The following NECAP1 variants were observed in gnomAD, a reference collection of about 807,000 sequenced individuals.
The protein encoded by NECAP1 is NECAP endocytosis associated 1.
A neutral mutation model predicts 33.4 loss-of-function variants in NECAP1; 13 were observed. That is an observed-to-expected ratio of 0.39 (90% CI 0.25 to 0.62). The LOEUF is 0.62. Among genes scored for constraint, NECAP1 ranks in the 20% least tolerant of loss-of-function variants. NECAP1 has a pLI of 0.52. For synonymous variants in NECAP1, 109 were observed against 125.2 expected (o/e 0.87, Z 0.86); for missense variants, 272 against 347.4 (o/e 0.78, Z 1.73).
chr12:8,083,475 G>A (rs1426151363), intron 1 of NECAP1, among the ~76,000 whole-genome samples: 1 of 120,688 alleles, frequency 8.3e-6, no homozygotes, highest in East Asian at 2.8e-4. Flanking sequence ...TGTTGCCCAG[G>A]CCGGAGCGCA....
chr12:8,095,074 T>C (rs775484158), intron 6 of NECAP1, among the ~76,000 whole-genome samples: 1 of 152,216 alleles, frequency 6.6e-6, no homozygotes, highest in Admixed American at 6.5e-5. Context: ...TCTGTTTCTT[T>C]TTATTGCTGA....
chr12:8,091,382 T>C (rs1947542556), intron 3 of NECAP1: 1 of 214,734 alleles, frequency 4.7e-6, no homozygotes, highest in East Asian at 1.2e-4. Context: ...GAAATAATTA[T>C]ACAACTCACT....
Position 8,091,804 on chromosome 12 carries a change from CG to C in NECAP1, c.341del (p.Gly114GlufsTer17). On this transcript the variant is annotated frameshift_variant, in exon 4 of 8. Coordinates refer to ENST00000339754, the MANE Select transcript of NECAP1 (RefSeq NM_015509.4). LOFTEE classifies it high-confidence loss of function. The part of the protein sequence containing the change: ...SAFIGIGFTD[R>X]GDAFDFNVSL... Reference sequence around the variant, plus strand: ...TTTCATTGGCATTGGCTTCACAGATCGGGGAGATGCCTTCGACTTTAATGTC... The same window carrying C: ...TTTCATTGGCATTGGCTTCACAGATCGGGAGATGCCTTCGACTTTAATGTC... 1 of 1,613,998 alleles carries C rather than the reference CG, an allele frequency of 6.2e-7. No homozygotes were observed.
chr12:8,087,327 T>G (rs1426141255), intron 1 of NECAP1, among the ~76,000 whole-genome samples: 1 of 151,866 alleles, frequency 6.6e-6, no homozygotes, highest in Admixed American at 6.6e-5. Flanking sequence ...TTAAAAGTAT[T>G]GTCAGAGGAC....
At chr12:8,085,686 C>CTTCTTTTTTTTTTTTTTTTTT (rs1947481617) in intron 1 of NECAP1, among the ~76,000 whole-genome samples, 8 of 104,810 alleles carry the variant, frequency 7.6e-5, no homozygotes, top group Non-Finnish European at 7.0e-5. Flanking sequence ...ACTTAATCTT[C>CTTCTTTTTTTTTTTTTTTTTT]TTTTTTTTTT....
chr12:8,091,705 C>T (rs764588114), intron 3 of NECAP1, 64 bp from the exon 4 acceptor site: 16 of 1,444,384 alleles, frequency 1.1e-5, no homozygotes, highest in African/African-American at 5.6e-5. Flanking sequence ...AGACTGGTGC[C>T]GGGGGTTGGG....
intron 1 of NECAP1, among the ~76,000 whole-genome samples, chr12:8,083,732 T>G (rs1281221008): frequency 1.4e-5 from 2 of 144,670 alleles, no homozygotes; most frequent in East Asian, 2.0e-4. Flanking sequence ...AGCCGTCGTT[T>G]TTTTTTTTTT....
Position 8,097,014 on chromosome 12 carries a change from C to T in NECAP1, c.*924C>T, listed in dbSNP as rs1251265341. 6.6e-6 allele frequency: 1 copy of T among 152,652 alleles called. No individual in the cohort carries two copies. Among genetic ancestry groups the T allele is most frequent in the African/African-American group, 2.4e-5 (1 of 41,456 alleles). 9.5% of individuals were successfully genotyped at this position (152,652 alleles called of 1,614,324 possible). A position where few individuals can be genotyped will look rare whatever the true frequency, so the allele number is the denominator to read the frequency against. On this transcript the variant is annotated 3_prime_UTR_variant, in exon 8 of 8. Coordinates refer to ENST00000339754, the MANE Select transcript of NECAP1 (RefSeq NM_015509.4). The stretch of plus-strand genomic sequence containing the variant: ...GAGCAGAGAGGTTGAAAGCACTTAA[C>T]TCTTGTTTAGTATCCTCATTGCCTT...
rs781652920 is a variant in NECAP1, at chr12:8,097,581, T to C, written c.*1491T>C. 1 of 152,614 alleles carries C rather than the reference T, an allele frequency of 6.6e-6. No individual in the cohort carries two copies. Among genetic ancestry groups the C allele is most frequent in the Non-Finnish European group, 1.5e-5 (1 of 68,022 alleles). The allele number at this position is 152,614 out of a possible 1,614,324, so 9.5% of individuals were successfully genotyped here. A position where few individuals can be genotyped will look rare whatever the true frequency, so the allele number is the denominator to read the frequency against. The stretch of plus-strand genomic sequence containing the variant: ...TAGAAAACACTAAAAGGAAAGTCTG[T>C]GGAATCACTAGTGACTAAATACTGG... On this transcript the variant is annotated 3_prime_UTR_variant, in exon 8 of 8. Transcript: ENST00000339754.
chr12:8,093,468 T>G (rs911018666), intron 6 of NECAP1: 1 of 185,248 alleles, frequency 5.4e-6, no homozygotes, highest in African/African-American at 2.4e-5. Context: ...GGCTCATGCC[T>G]GTAATCCCAG....
intron 1 of NECAP1, among the ~76,000 whole-genome samples, chr12:8,083,925 G>A (rs778993434): frequency 9.0e-4 from 136 of 151,610 alleles, no homozygotes; most frequent in African/African-American, 3.0e-3. Flanking sequence ...ATTTTTTTGT[G>A]TAGACAGGAT....
intron 1 of NECAP1, among the ~76,000 whole-genome samples, chr12:8,085,704 T>C (rs1947482993): frequency 7.1e-6 from 1 of 141,768 alleles, no homozygotes; most frequent in Non-Finnish European, 1.5e-5. Flanking sequence ...TTTTTTTTTT[T>C]TTTTTTTTTT....
At chr12:8,092,386 C>G (rs1014149765) in intron 4 of NECAP1, 2 of 337,210 alleles carry the variant, frequency 5.9e-6, no homozygotes, top group Non-Finnish European at 1.1e-5. Flanking sequence ...ACTAACACCC[C>G]CTCAGGAGCA....
At chr12:8,095,481 C>T in intron 6 of NECAP1, 120 bp from the exon 7 acceptor site, 1 of 593,226 alleles carries the variant, frequency 1.7e-6, no homozygotes, top group East Asian at 3.7e-5. Flanking sequence ...ATCTCCTGAC[C>T]TCATGATCCA....
chr12:8,083,511 C>A (rs1947461900), intron 1 of NECAP1, among the ~76,000 whole-genome samples: 1 of 138,394 alleles, frequency 7.2e-6, no homozygotes, highest in Admixed American at 7.7e-5. Flanking sequence ...CTCACTGCAA[C>A]CTCCGCCTCC....
At chr12:8,091,896 A>G in intron 4 of NECAP1, 46 bp downstream of exon 4, 2 of 1,509,562 alleles carry the variant, frequency 1.3e-6, no homozygotes, top group Non-Finnish European at 1.8e-6. Flanking sequence ...GCTTATAGGA[A>G]TGCTGCTTCT....
Position 8,091,837 on chromosome 12 carries a change from C to A in NECAP1, c.370C>A (p.Gln124Lys). 1.2e-6 allele frequency: 2 copies of A among 1,613,258 alleles called. No homozygotes were observed. The highest frequency in any genetic ancestry group is 2.2e-5 in the South Asian group (2 of 90,726). Residue 124 changes from glutamine (Q) to lysine (K), a missense_variant, in exon 4 of 8, where the codon CAG (glutamine) becomes AAG (lysine). Transcript: ENST00000339754. ...GDAFDFNVSL[Q>K]DHFKWVKQES... ...TGCCTTCGACTTTAATGTCTCCTTG[C>A]AGGATCACTTCAAGTGAGTGAAGCT...
chr12:8,096,287 T>C lies in NECAP1; in HGVS notation c.*197T>C, dbSNP rs1418946978. 2 of 582,156 alleles carry C rather than the reference T, an allele frequency of 3.4e-6. No individual in the cohort carries two copies. Among genetic ancestry groups the C allele is most frequent in the Admixed American group, 3.0e-5 (1 of 33,598 alleles). The allele number at this position is 582,156 out of a possible 1,614,324, so 36.1% of individuals were successfully genotyped here. A position where few individuals can be genotyped will look rare whatever the true frequency, so the allele number is the denominator to read the frequency against. On this transcript the variant is annotated 3_prime_UTR_variant, in exon 8 of 8. Transcript: ENST00000339754. Reference sequence around the variant, plus strand: ...TGTTACTTGTACAGCCAAGAAAGTATCTGTTATCTCCTGCGTAGTACCAAG... The same window carrying C: ...TGTTACTTGTACAGCCAAGAAAGTACCTGTTATCTCCTGCGTAGTACCAAG...
chr12:8,095,555 G>T (rs779162435), intron 6 of NECAP1, 46 bp from the exon 7 acceptor site: 1 of 1,528,400 alleles, frequency 6.5e-7, no homozygotes, highest in Non-Finnish European at 9.0e-7. Flanking sequence ...GCCCTTCCAA[G>T]ATTTTGATTA....
Sources: gnomAD v4.1 joint callset for allele counts (sites outside exome capture counted in the v4.1 genomes callset) on GRCh38, gnomAD v4.1.1 for gene constraint, MANE v1.5 for transcripts, NCBI Gene and HGNC (gene_info 2026-07-23, HGNC 2026-07-21) for gene names.